MBP: variants seen among roughly 807,000 people sequenced by gnomAD.
MBP encodes Golli-MBP.
MBP carries 16 observed loss-of-function variants against 35.8 expected under a neutral mutation model. That is an observed-to-expected ratio of 0.45 (90% CI 0.30 to 0.68). MBP has a LOEUF of 0.68. Ranked by LOEUF, MBP falls within the 30% of genes least tolerant of loss-of-function variation. The probability of loss-of-function intolerance (pLI) is 0.08; values close to 1 mark genes in which losing one functional copy is unlikely to be tolerated. For synonymous variants in MBP, 143 were observed against 159.6 expected, an observed-to-expected ratio of 0.90 and a Z score of 0.78; for missense variants, 380 against 404.7, an observed-to-expected ratio of 0.94 and a Z score of 0.52.
intron 2 of MBP, among the ~76,000 whole-genome samples, chr18:77,098,885 A>G (rs1476490506): frequency 6.6e-6 from 1 of 152,064 alleles, no homozygotes; most frequent in East Asian, 1.9e-4. Flanking sequence ...AATCCTTACA[A>G]CTGCATTTAT....
In MBP at chr18:77,019,530, C is replaced by T. The variant is rs959300875; in HGVS notation, c.140-2262G>A. ...GGAGCAAATTCTCCTGTAGAGCCTT[C>T]GGGGGAAGCAGGGCTCTGCAGACAT... On this transcript the variant is annotated intron_variant, in intron 3 of 8. Transcript: ENST00000355994. 4.6e-5 allele frequency among the ~76,000 whole-genome samples: 7 copies of T among 152,174 alleles called. No homozygotes were observed. In the East Asian group the frequency reaches 5.8e-4, roughly 13 times the overall value.
intron 1 of MBP, among the ~76,000 whole-genome samples, chr18:77,121,097 G>T (rs1208849694): frequency 2.6e-5 from 4 of 152,096 alleles, no homozygotes; most frequent in African/African-American, 9.7e-5. Flanking sequence ...CCAGGTGTTC[G>T]AGACAAGCTG....
At chr18:77,037,407 G>A (rs1350468964) in intron 3 of MBP, among the ~76,000 whole-genome samples, 2 of 152,258 alleles carry the variant, frequency 1.3e-5, no homozygotes, top group Non-Finnish European at 2.9e-5. Flanking sequence ...ATCCTCCAGT[G>A]AGGTCGGGAG....
At chr18:77,000,423 G>A (rs753016103) in intron 4 of MBP, among the ~76,000 whole-genome samples, 19 of 152,160 alleles carry the variant, frequency 1.2e-4, no homozygotes, top group Non-Finnish European at 2.5e-4. Flanking sequence ...TTTTCATCAC[G>A]ATGCATAGAG....
chr18:77,014,224 G>T, intron 4 of MBP: 1 of 985,458 alleles, frequency 1.0e-6, no homozygotes, highest in Non-Finnish European at 1.2e-6. Context: ...ACAAGCATGG[G>T]TGTTGTTAGG....
chr18:76,990,874 C>A (rs1429985640), intron 4 of MBP: 4 of 298,008 alleles, frequency 1.3e-5, no homozygotes, highest in South Asian at 2.5e-5. Flanking sequence ...GTGCGACTTG[C>A]TGGGGAGAGA....
intron 3 of MBP, among the ~76,000 whole-genome samples, chr18:77,019,920 G>A (rs1318179064): frequency 2.0e-5 from 3 of 152,156 alleles, no homozygotes; most frequent in Non-Finnish European, 4.4e-5. Context: ...AACCTCCCAG[G>A]CCAGGCAGTA....
chr18:77,128,027 C>T (rs1194867062), intron 1 of MBP: 1 of 152,232 alleles, frequency 6.6e-6, no homozygotes, highest in Non-Finnish European at 1.5e-5. Flanking sequence ...AGCAATTGCA[C>T]TCCTGGGCAT....
intron 3 of MBP, among the ~76,000 whole-genome samples, chr18:77,065,050 C>A (rs1399858974): frequency 1.3e-5 from 2 of 152,156 alleles, no homozygotes; most frequent in Non-Finnish European, 2.9e-5. Flanking sequence ...GTGGATCCAA[C>A]CTCATTAATG....
chr18:77,013,755 T>A, intron 4 of MBP: 1 of 985,372 alleles, frequency 1.0e-6, no homozygotes, highest in Non-Finnish European at 1.2e-6. Context: ...CACGGAGAAG[T>A]GGGGTACTGG....
intron 2 of MBP, among the ~76,000 whole-genome samples, chr18:77,097,923 A>ATTT (rs1316149685): frequency 1.3e-5 from 2 of 150,568 alleles, no homozygotes; most frequent in Non-Finnish European, 3.0e-5. Context: ...TTAAAAAAAT[A>ATTT]CAGTATTTAA....
chr18:77,087,274 A>G (rs1789137), intron 2 of MBP: 34,980 of 152,180 alleles, frequency 0.23, 6,553 homozygotes, highest in African/African-American at 0.5. Context: ...GGAACACGCG[A>G]CCTTCGCACT....
At chr18:77,121,957 T>C (rs1238211784) in intron 1 of MBP, among the ~76,000 whole-genome samples, 2 of 152,192 alleles carry the variant, frequency 1.3e-5, no homozygotes, top group Non-Finnish European at 2.9e-5. Context: ...TGTTGTTGTT[T>C]TTGTCAAATT....
chr18:77,123,416 A>C (rs1380351314), intron 1 of MBP, among the ~76,000 whole-genome samples: 2 of 152,252 alleles, frequency 1.3e-5, no homozygotes, highest in East Asian at 1.9e-4. Flanking sequence ...TCAATTTATC[A>C]GTGAAACAGA....
At chr18:77,035,995 T>TG (rs1972748404) in intron 3 of MBP, among the ~76,000 whole-genome samples, 1 of 152,242 alleles carries the variant, frequency 6.6e-6, no homozygotes, top group African/African-American at 2.4e-5. Context: ...CGTCAGTTCT[T>TG]GGGTCAAATT....
intron 3 of MBP, among the ~76,000 whole-genome samples, chr18:77,031,494 G>T (rs559072459): frequency 6.6e-6 from 1 of 152,222 alleles, no homozygotes; most frequent in Non-Finnish European, 1.5e-5. Context: ...TATTCCATTT[G>T]TTTAGACCTG....
chr18:77,030,906 A>G (rs1379225301), intron 3 of MBP, among the ~76,000 whole-genome samples: 1 of 152,216 alleles, frequency 6.6e-6, no homozygotes, highest in East Asian at 1.9e-4. Context: ...CTGCAAAATA[A>G]GAGTCTGCAT....
At chr18:76,985,949 T>C in intron 7 of MBP, 1 of 985,914 alleles carries the variant, frequency 1.0e-6, no homozygotes, top group Non-Finnish European at 1.2e-6. Context: ...AGGGGCTTCC[T>C]GACACACATG....
chr18:77,013,232 G>A, intron 4 of MBP: 1 of 985,434 alleles, frequency 1.0e-6, no homozygotes, highest in Non-Finnish European at 1.2e-6. Flanking sequence ...TCCAATGGAG[G>A]TACTGAGTGG....
Sources: gnomAD v4.1 joint callset for allele counts (sites outside exome capture counted in the v4.1 genomes callset) on GRCh38, gnomAD v4.1.1 for gene constraint, MANE v1.5 for transcripts, NCBI Gene and HGNC (gene_info 2026-07-23, HGNC 2026-07-21) for gene names.